Variants in STYXL1 observed in about 807,000 individuals in gnomAD.
STYXL1 encodes the protein serine/threonine/tyrosine-interacting-like protein 1.
Under a neutral mutation model 36.4 loss-of-function variants are expected in STYXL1, and 32 were observed. The ratio of observed to expected loss-of-function variants is 0.88; its 90% confidence interval spans 0.66 to 1.18. The LOEUF is 1.18. Among genes scored for constraint, STYXL1 ranks in the 50% most tolerant of loss-of-function variants. The probability of loss-of-function intolerance (pLI) is 0.00; values close to 1 mark genes in which losing one functional copy is unlikely to be tolerated. For missense variants in STYXL1, 354 were observed against 394.1 expected (o/e 0.90, Z 0.86); for synonymous variants, 133 against 144.1 (o/e 0.92, Z 0.55).
At chr7:76,019,355 G>A (rs1296034296) in intron 4 of STYXL1, among the ~76,000 whole-genome samples, 1 of 151,060 alleles carries the variant, frequency 6.6e-6, no homozygotes, top group African/African-American at 2.4e-5. Flanking sequence ...AGAATACAGT[G>A]GTACAGTCAT....
At chr7:76,044,527 C>T (rs1168344610) in intron 1 of STYXL1, 1 of 152,078 alleles carries the variant, frequency 6.6e-6, no homozygotes, top group Admixed American at 6.6e-5. Flanking sequence ...AGTTCCTCTT[C>T]TGTGGAGATG....
At chr7:76,022,431 A>G (rs1794186257) in intron 3 of STYXL1, among the ~76,000 whole-genome samples, 1 of 152,038 alleles carries the variant, frequency 6.6e-6, no homozygotes, top group Non-Finnish European at 1.5e-5. Context: ...AGGCCAAGGC[A>G]GGAGGATTGC....
intron 3 of STYXL1, among the ~76,000 whole-genome samples, chr7:76,024,947 T>C (rs1554577268): frequency 4.6e-5 from 1 of 21,920 alleles, no homozygotes; most frequent in African/African-American, 2.1e-4. Flanking sequence ...AGACTCTGTC[T>C]CAAAAAAAAA....
At chr7:76,029,356 A>G (rs1333040244) in intron 2 of STYXL1, among the ~76,000 whole-genome samples, 5 of 152,124 alleles carry the variant, frequency 3.3e-5, no homozygotes, top group Admixed American at 1.3e-4. Flanking sequence ...CATGTTGGCC[A>G]GGCTGGTCTC....
At chr7:76,037,557 C>A (rs1796040602) in intron 1 of STYXL1, among the ~76,000 whole-genome samples, 1 of 150,106 alleles carries the variant, frequency 6.7e-6, no homozygotes, top group South Asian at 2.2e-4. Context: ...CATCTCCCTG[C>A]CTCCCTGTGT....
intron 1 of STYXL1, among the ~76,000 whole-genome samples, chr7:76,034,422 G>A (rs1585321016): frequency 6.6e-6 from 1 of 152,068 alleles, no homozygotes; most frequent in East Asian, 1.9e-4. Flanking sequence ...GGGCTCAAAC[G>A]CCTCAGCCTC....
At chr7:76,025,806 AAAGACAAT>A (rs1188891918) in intron 3 of STYXL1, among the ~76,000 whole-genome samples, 1 of 151,800 alleles carries the variant, frequency 6.6e-6, no homozygotes, top group African/African-American at 2.4e-5. Flanking sequence ...AAAAAGACAA[AAAGACAAT>A]AATGATGGAT....
At chr7:76,017,649 G>A (rs898632881) in intron 4 of STYXL1, among the ~76,000 whole-genome samples, 57 of 151,700 alleles carry the variant, frequency 3.8e-4, no homozygotes, top group African/African-American at 1.3e-3. Flanking sequence ...ACTTTGGGAG[G>A]CCAAGGCGGG....
intron 1 of STYXL1, among the ~76,000 whole-genome samples, chr7:76,040,091 G>A (rs1391808806): frequency 1.3e-5 from 2 of 152,172 alleles, no homozygotes; most frequent in Non-Finnish European, 2.9e-5. Context: ...CCTGAGAGGT[G>A]CCCTAGTGGT....
chr7:76,046,339 T>TGTGTGTGTGTGTGC (rs1797056612), intron 1 of STYXL1, among the ~76,000 whole-genome samples: 1 of 44,906 alleles, frequency 2.2e-5, no homozygotes, highest in African/African-American at 7.3e-5. Context: ...TGTGTGTGTG[T>TGTGTGTGTGTGTGC]GCGCGCGCGC....
At chr7:76,033,534 A>G (rs782261220) in intron 1 of STYXL1, among the ~76,000 whole-genome samples, 1 of 152,156 alleles carries the variant, frequency 6.6e-6, no homozygotes, top group African/African-American at 2.4e-5. Flanking sequence ...AGTTGAGTCC[A>G]GGGGTAATCT....
intron 8 of STYXL1, among the ~76,000 whole-genome samples, chr7:75,998,384 G>A (rs564673746): frequency 2.5e-4 from 37 of 150,832 alleles, no homozygotes; most frequent in Non-Finnish European, 4.0e-4. Context: ...TGCAACCTCC[G>A]CCTCCTGGGT....
intron 5 of STYXL1, among the ~76,000 whole-genome samples, chr7:76,005,838 AG>A (rs1791610929): frequency 8.5e-5 from 2 of 23,546 alleles, no homozygotes; most frequent in Non-Finnish European, 2.2e-4. Flanking sequence ...AAGAGAGAGG[AG>A]GAGGAAGAGA....
chr7:76,014,472 C>G (rs868957177), intron 4 of STYXL1, among the ~76,000 whole-genome samples: 5 of 151,968 alleles, frequency 3.3e-5, no homozygotes, highest in South Asian at 2.1e-4. Flanking sequence ...CCACCTCAGC[C>G]TCCCGAGTAG....
Position 75,996,406 on chromosome 7 carries a change from T to A in STYXL1, c.*62A>T, listed in dbSNP as rs1554563949. On this transcript the variant is annotated 3_prime_UTR_variant, in exon 9 of 9. Transcript: ENST00000359697. ...AGCCTGGGTATACACACTCTGGCCC[T>A]CCACCCACAAAATGCCCCCAGGTGA... 1 of 1,613,442 alleles carries A rather than the reference T, an allele frequency of 6.2e-7. No individual in the cohort carries two copies. Among genetic ancestry groups the A allele is most frequent in the South Asian group, 1.1e-5 (1 of 90,964 alleles).
Position 76,037,939 on chromosome 7 carries a change from G to A in STYXL1, c.-4-7412C>T, listed in dbSNP as rs1796081589. ...CTTAAACATAGTGACAGGCATCAAT[G>A]CCCTCACCTGTAAGCTGAGATAATA... On this transcript the variant is annotated intron_variant, in intron 1 of 8. Transcript: ENST00000359697. Among the ~76,000 whole-genome samples, 2 of 150,160 alleles carry A rather than the reference G, an allele frequency of 1.3e-5. 1 individual carries two copies. Among genetic ancestry groups the A allele is most frequent in the Non-Finnish European group, 3.0e-5 (2 of 67,116 alleles).
chr7:76,004,792 G>C (rs1267646538), intron 6 of STYXL1, among the ~76,000 whole-genome samples: 1 of 152,112 alleles, frequency 6.6e-6, no homozygotes, highest in Admixed American at 6.6e-5. Flanking sequence ...ACAAGGTCAG[G>C]TGATCGAGAC....
At chr7:75,997,721 CACACACACACA>C (rs1554564554) in intron 8 of STYXL1, among the ~76,000 whole-genome samples, 1 of 151,952 alleles carries the variant, frequency 6.6e-6, no homozygotes, top group Non-Finnish European at 1.5e-5. Flanking sequence ...CTAAAGATTA[CACACACACACA>C]ACACACACAC....
At chr7:76,002,848 C>T (rs1791141435) in intron 7 of STYXL1, among the ~76,000 whole-genome samples, 1 of 152,126 alleles carries the variant, frequency 6.6e-6, no homozygotes, top group Admixed American at 6.5e-5. Context: ...TGCTTGAGCC[C>T]AGGAAGTAGA....
Sources: gnomAD v4.1 joint callset for allele counts (sites outside exome capture counted in the v4.1 genomes callset) on GRCh38, gnomAD v4.1.1 for gene constraint, MANE v1.5 for transcripts, NCBI Gene and HGNC (gene_info 2026-07-23, HGNC 2026-07-21) for gene names.